The following ANXA4 variants were observed in gnomAD, a reference collection of about 807,000 sequenced individuals.
The protein encoded by ANXA4 is 35-beta calcimedin.
In ANXA4, 39 loss-of-function variants were observed where a neutral mutation model predicts 49.8. That is an observed-to-expected ratio of 0.78 (90% CI 0.61 to 1.02). The LOEUF (loss-of-function observed/expected upper bound fraction) is 1.02, where lower values mean the gene tolerates loss of function less well. Ranked by LOEUF, ANXA4 falls within the 50% of genes least tolerant of loss-of-function variation. The pLI is 0.00. For synonymous variants in ANXA4, 134 were observed against 152.5 expected, an observed-to-expected ratio of 0.88 and a Z score of 0.89; for missense variants, 360 against 410.1, an observed-to-expected ratio of 0.88 and a Z score of 1.05.
Position 69,818,707 on chromosome 2 carries a change from G to C in ANXA4, c.724+13G>C. On this transcript the variant is annotated intron_variant, in intron 10 of 12. Transcript: ENST00000394295. ...CTGCTGGCTATAGGTAAGCTGGTAGGGGGAGTAGAGAAACAAATGTTTATA... is the reference window on the plus strand; with the variant it reads ...CTGCTGGCTATAGGTAAGCTGGTAGCGGGAGTAGAGAAACAAATGTTTATA... 1 of 1,538,512 alleles carries C rather than the reference G, an allele frequency of 6.5e-7. No homozygotes were observed. The highest frequency in any genetic ancestry group is 2.3e-5 in the East Asian group (1 of 44,170).
intron 3 of ANXA4, among the ~76,000 whole-genome samples, chr2:69,794,572 G>GTTATGTTATA (rs1158526525): frequency 6.9e-6 from 1 of 144,450 alleles, no homozygotes; most frequent in African/African-American, 2.5e-5. Flanking sequence ...GTTATGTTAT[G>GTTATGTTATA]TTATTTTTGA....
intron 1 of ANXA4, among the ~76,000 whole-genome samples, chr2:69,749,840 G>C (rs1670765341): frequency 6.6e-6 from 1 of 151,494 alleles, no homozygotes; most frequent in South Asian, 2.1e-4. Context: ...CAGAAGAATT[G>C]CTTGAACACA....
intron 1 of ANXA4, among the ~76,000 whole-genome samples, chr2:69,773,240 T>G (rs2105566181): frequency 6.6e-6 from 1 of 152,350 alleles, no homozygotes; most frequent in East Asian, 1.9e-4. Flanking sequence ...TCCAGAAGGC[T>G]TTGCTCAAGA....
At chr2:69,783,748 A>C (rs986539382) in intron 2 of ANXA4, among the ~76,000 whole-genome samples, 1 of 152,136 alleles carries the variant, frequency 6.6e-6, no homozygotes, top group Non-Finnish European at 1.5e-5. Context: ...TGCCCGTTTC[A>C]TATTAACTCC....
At chr2:69,761,776 T>TAAA (rs56109057) in intron 1 of ANXA4, among the ~76,000 whole-genome samples, 40 of 135,304 alleles carry the variant, frequency 3.0e-4, no homozygotes, top group African/African-American at 9.8e-4. Flanking sequence ...GATGCTGTCT[T>TAAA]AAAAAAAAAA....
intron 11 of ANXA4, 138 bp downstream of exon 11, chr2:69,819,476 CTAATAA>C: frequency 1.6e-6 from 1 of 632,006 alleles, no homozygotes; most frequent in South Asian, 2.0e-5. Flanking sequence ...TGAGTGCCTG[CTAATAA>C]TAATACTAGG....
At chr2:69,753,677 G>A (rs61209653) in intron 1 of ANXA4, among the ~76,000 whole-genome samples, 2 of 152,134 alleles carry the variant, frequency 1.3e-5, no homozygotes, top group African/African-American at 2.4e-5. Context: ...GTCAGAAGTG[G>A]GTCACATGGC....
intron 2 of ANXA4, among the ~76,000 whole-genome samples, chr2:69,656,519 T>C (rs1159787093): frequency 1.3e-5 from 2 of 148,632 alleles, no homozygotes. Context: ...GTTTAGTGCT[T>C]CTCTGCACAT....
rs1427608647 is a variant in ANXA4, at chr2:69,825,659, G to A, written c.*144G>A. 6 of 569,470 alleles carry A rather than the reference G, an allele frequency of 1.1e-5. No individual in the cohort carries two copies. The African/African-American group carries it at 1.2e-4, about 11-fold the overall frequency. The allele number at this position is 569,470 out of a possible 1,614,324, so 35.3% of individuals were successfully genotyped here. A position where few individuals can be genotyped will look rare whatever the true frequency, so the allele number is the denominator to read the frequency against. On this transcript the variant is annotated 3_prime_UTR_variant, in exon 13 of 13. Transcript: ENST00000394295. ...CTGCCTCCTAGAATATAGACTGTCT[G>A]TATTATTATTCACCTATAATTAGTC... is the stretch of plus-strand genomic sequence containing the variant.
intron 1 of ANXA4, among the ~76,000 whole-genome samples, chr2:69,756,851 C>T (rs1411597970): frequency 1.3e-5 from 2 of 151,378 alleles, no homozygotes; most frequent in Non-Finnish European, 2.9e-5. Context: ...AAAATACACA[C>T]CAATAATTCA....
intron 2 of ANXA4, among the ~76,000 whole-genome samples, chr2:69,682,300 A>G (rs1370997301): frequency 1.3e-5 from 2 of 151,998 alleles, no homozygotes; most frequent in Non-Finnish European, 2.9e-5. Context: ...TTCTATGTCA[A>G]TTTCCATTTG....
chr2:69,648,564 C>A (rs942995238), intron 1 of ANXA4, among the ~76,000 whole-genome samples: 2 of 152,082 alleles, frequency 1.3e-5, no homozygotes, highest in East Asian at 1.9e-4. Flanking sequence ...TGGCTCATGC[C>A]CGTAATCCCA....
intron 1 of ANXA4, among the ~76,000 whole-genome samples, chr2:69,770,917 T>C (rs1450309567): frequency 6.7e-6 from 1 of 148,618 alleles, no homozygotes; most frequent in Admixed American, 6.8e-5. Context: ...AGCGAGGCCT[T>C]GTCTAGAAAA....
chr2:69,818,116 A>AG (rs1356246829), intron 9 of ANXA4: 67 of 145,448 alleles, frequency 4.6e-4, no homozygotes, highest in African/African-American at 1.8e-3. Flanking sequence ...ATACTTGGCA[A>AG]AAAACAACAA....
chr2:69,772,183 G>C (rs1671748319), intron 1 of ANXA4, among the ~76,000 whole-genome samples: 1 of 152,240 alleles, frequency 6.6e-6, no homozygotes, highest in South Asian at 2.1e-4. Flanking sequence ...GCATTTTACA[G>C]ATGTAAAAAC....
chr2:69,819,290 G>A lies in ANXA4; in HGVS notation c.735G>A (p.Met245Ile), dbSNP rs750375904. 3.7e-6 allele frequency: 6 copies of A among 1,605,690 alleles called. No individual in the cohort carries two copies. In the Admixed American group the frequency reaches 8.4e-5, roughly 23 times the overall value. Residue 245 changes from methionine (M) to isoleucine (I), a missense_variant, in exon 11 of 13, where the codon ATG (methionine) becomes ATA (isoleucine). Met to Ile is a conservative substitution (Grantham distance 10). Transcript: ENST00000394295. The part of the protein sequence containing the change: ...EDALLAIVKC[M>I]RNKSAYFAEK... ...TTTTTTCTTTGACAGTAAAGTGCAT[G>A]AGGAACAAATCTGCATATTTTGCTG...
intron 12 of ANXA4, among the ~76,000 whole-genome samples, chr2:69,821,545 C>A (rs1674244114): frequency 6.6e-6 from 1 of 152,172 alleles, no homozygotes. Context: ...TCTCCACTCA[C>A]TGCAACCTCC....
At chr2:69,712,510 C>T (rs956022463) in intron 2 of ANXA4, among the ~76,000 whole-genome samples, 2 of 152,104 alleles carry the variant, frequency 1.3e-5, no homozygotes, top group African/African-American at 4.8e-5. Flanking sequence ...TTTCTTTCAG[C>T]CTAGGGGAGA....
chr2:69,740,734 G>A (rs1293590187), upstream of ANXA4, among the ~76,000 whole-genome samples: 7 of 125,216 alleles, frequency 5.6e-5, no homozygotes, highest in Non-Finnish European at 1.1e-4. Flanking sequence ...CCAGGCTGGC[G>A]TGCAGTGGCG....
Sources: gnomAD v4.1 joint callset for allele counts (sites outside exome capture counted in the v4.1 genomes callset) on GRCh38, gnomAD v4.1.1 for gene constraint, MANE v1.5 for transcripts, NCBI Gene and HGNC (gene_info 2026-07-23, HGNC 2026-07-21) for gene names.